Variants in ARV1 observed in about 807,000 individuals in gnomAD.
The protein encoded by ARV1 is ARV1 fatty acid homeostasis modulator.
ARV1 carries 26 observed loss-of-function variants against 31.1 expected under a neutral mutation model. That is an observed-to-expected ratio of 0.84 (90% confidence interval 0.61 to 1.16). The LOEUF (loss-of-function observed/expected upper bound fraction) is 1.16. Among genes scored for constraint, ARV1 ranks in the 50% most tolerant of loss-of-function variants. The pLI, the probability that ARV1 is intolerant of heterozygous loss-of-function variation, is 0.00. For missense variants in ARV1, 281 were observed against 324.9 expected (o/e 0.86, Z 1.04); for synonymous variants, 117 against 123.2 (o/e 0.95, Z 0.34).
At chr1:230,980,351 T>C (rs1463244618) in intron 1 of ARV1, among the ~76,000 whole-genome samples, 1 of 152,114 alleles carries the variant, frequency 6.6e-6, no homozygotes, top group Non-Finnish European at 1.5e-5. Context: ...CTTTCTTTCT[T>C]TTTGAGATAG....
At chr1:230,990,687 C>G in intron 3 of ARV1, 1 of 346,044 alleles carries the variant, frequency 2.9e-6, no homozygotes. Context: ...CCCCAGGTAG[C>G]TGGAACCACA....
chr1:230,991,955 C>T (rs1167643891), intron 3 of ARV1, among the ~76,000 whole-genome samples: 1 of 152,118 alleles, frequency 6.6e-6, no homozygotes, highest in South Asian at 2.1e-4. Flanking sequence ...CTACTGCTAC[C>T]CTCCATTCCC....
rs1457260435 is a variant in ARV1 at position 230,990,236 on chromosome 1, T to A, written c.421T>A (p.Tyr141Asn). 1 of 1,613,002 alleles carries A rather than the reference T, an allele frequency of 6.2e-7. No homozygotes were observed. Among genetic ancestry groups the A allele is most frequent in the African/African-American group, 1.3e-5 (1 of 75,000 alleles). Residue 141 changes from tyrosine to asparagine, a missense_variant, in exon 3 of 6, where the codon TAT becomes AAT. Coordinates refer to ENST00000310256, the MANE Select transcript of ARV1 (RefSeq NM_022786.3). ...LIRYAKEWDF[Y>N]RMFAIAALEQ... is the part of the protein sequence containing the mutation. ...CAGATATGCTAAGGAATGGGATTTC[T>A]ATAGAATGTTTGCGATTGCTGCTTT...
intron 4 of ARV1, among the ~76,000 whole-genome samples, chr1:230,996,826 GT>G (rs1679383355): frequency 6.6e-6 from 1 of 152,070 alleles, no homozygotes; most frequent in Non-Finnish European, 1.5e-5. Context: ...TCATTTTGTT[GT>G]TGTTGTCGTT....
At chr1:230,993,387 T>C (rs1445888532) in intron 3 of ARV1, among the ~76,000 whole-genome samples, 3 of 152,214 alleles carry the variant, frequency 2.0e-5, no homozygotes, top group Non-Finnish European at 4.4e-5. Flanking sequence ...TCAGCCACTG[T>C]TCCTGGCCCT....
chr1:230,979,183 C>G lies in ARV1; in HGVS notation c.78C>G (p.Ala26=). The change falls in exon 1 of 6, where the codon GCC becomes GCG. Residue 26 remains alanine, a synonymous_variant. Transcript: ENST00000310256. ...GGGTGGCAGCGACTCCTACTGCTGC[C>G]TCGGCCTCCTGCCAGTACAGGTGCA... is the stretch of plus-strand genomic sequence containing the variant. ...VDGVAATPTA[A]SASCQYRCIE... 8 of 1,613,308 alleles carry G rather than the reference C, an allele frequency of 5.0e-6. No homozygotes were observed. Among genetic ancestry groups the G allele is most frequent in the Non-Finnish European group, 6.8e-6 (8 of 1,179,648 alleles).
In ARV1 at chr1:230,981,176, A is replaced by G. The variant is rs180690503; in HGVS notation, c.174+1897A>G. Among the ~76,000 whole-genome samples, 242 of 152,260 alleles carry G rather than the reference A, an allele frequency of 1.6e-3. 1 individual carries two copies. The highest frequency in any genetic ancestry group is 5.4e-3 in the African/African-American group (224 of 41,544). On this transcript the variant is annotated intron_variant, in intron 1 of 5. Coordinates refer to ENST00000310256, the MANE Select transcript of ARV1 (RefSeq NM_022786.3). ...TACCTCTTAATCATGGTGTATTCCA[A>G]CGCATAGTCATCGTGCCTCTTTCTG...
At chr1:230,985,935 G>C (rs564567274) in intron 1 of ARV1, among the ~76,000 whole-genome samples, 58 of 110,494 alleles carry the variant, frequency 5.2e-4, no homozygotes, top group African/African-American at 1.8e-3. Flanking sequence ...TTTTTTTTTT[G>C]AGACGGAATC....
chr1:230,997,398 C>A, intron 5 of ARV1, 131 bp downstream of exon 5: 2 of 1,093,220 alleles, frequency 1.8e-6, no homozygotes, highest in Non-Finnish European at 2.6e-6. Context: ...AGGTCACCCT[C>A]ATCTTCCTCA....
Position 230,979,224 on chromosome 1 carries a change from AG to A in ARV1, c.121del (p.Ala41ProfsTer13). The A allele has an allele frequency of 6.2e-7, 1 of 1,613,642 alleles. No homozygotes were observed. The highest frequency in any genetic ancestry group is 8.5e-7 in the Non-Finnish European group (1 of 1,179,802). ...TACAGGTGCATCGAATGCAACCAGG[AG>A]GCCAAAGAGTTGTACCGAGACTATA... The part of the protein sequence containing the change: ...CQYRCIECNQ[E>X]AKELYRDYNH... On this transcript the variant is annotated frameshift_variant, in exon 1 of 6. Coordinates refer to ENST00000310256, the MANE Select transcript of ARV1 (RefSeq NM_022786.3). LOFTEE classifies it high-confidence loss of function.
At chr1:230,983,505 A>G (rs886935828) in intron 1 of ARV1, among the ~76,000 whole-genome samples, 2 of 152,164 alleles carry the variant, frequency 1.3e-5, no homozygotes, top group African/African-American at 4.8e-5. Flanking sequence ...TATGTTAACA[A>G]AACAAAACTC....
At chr1:230,980,889 C>G (rs1166054793) in intron 1 of ARV1, among the ~76,000 whole-genome samples, 1 of 152,050 alleles carries the variant, frequency 6.6e-6, no homozygotes, top group African/African-American at 2.4e-5. Flanking sequence ...CTGTCTATTT[C>G]CTTTCCTAGT....
rs1679349340 is a variant in ARV1, at chr1:230,995,882, C to T, written c.571C>T (p.Leu191Phe). The change falls in exon 4 of 6, where the codon CTC (leucine) becomes TTC (phenylalanine). Residue 191 changes from leucine to phenylalanine, a missense_variant. Coordinates refer to ENST00000310256, the MANE Select transcript of ARV1 (RefSeq NM_022786.3). ...KALLLSSYGKLLLIPAVIWEH... is the reference protein window; with the variant it reads ...KALLLSSYGKFLLIPAVIWEH... ...ATTATTATTATCTAGCTACGGAAAACTCTTGCTGATTCCAGCTGTCATTTG... is the reference window on the plus strand; with the variant it reads ...ATTATTATTATCTAGCTACGGAAAATTCTTGCTGATTCCAGCTGTCATTTG... 2 of 1,614,010 alleles carry T rather than the reference C, an allele frequency of 1.2e-6. No homozygotes were observed. Among genetic ancestry groups the T allele is most frequent in the East Asian group, 4.5e-5 (2 of 44,868 alleles).
chr1:230,997,777 A>G (rs1307435886), intron 5 of ARV1, among the ~76,000 whole-genome samples: 4 of 152,028 alleles, frequency 2.6e-5, no homozygotes, highest in African/African-American at 7.2e-5. Flanking sequence ...GCCTTCCATC[A>G]TACGTGCTTT....
At chr1:230,986,520 C>A (rs965999519) in intron 1 of ARV1, among the ~76,000 whole-genome samples, 27 of 152,212 alleles carry the variant, frequency 1.8e-4, no homozygotes, top group African/African-American at 5.8e-4. Context: ...TGAATTGTAG[C>A]CATTCCAGTA....
rs1488692043 is a variant in ARV1, at chr1:230,990,277, A to G, written c.448+14A>G. On this transcript the variant is annotated intron_variant, in intron 3 of 5. Coordinates refer to ENST00000310256, the MANE Select transcript of ARV1 (RefSeq NM_022786.3). ...TTGCTGCTTTAGGTAAGGAGATGCC[A>G]TGCTTTCCATTCTTAGTTAACTATT... is the stretch of plus-strand genomic sequence containing the variant. 1.2e-6 allele frequency: 2 copies of G among 1,612,298 alleles called. No homozygotes were observed. Among genetic ancestry groups the G allele is most frequent in the Non-Finnish European group, 1.7e-6 (2 of 1,179,568 alleles).
chr1:230,990,864 C>T (rs1434973591), intron 3 of ARV1, among the ~76,000 whole-genome samples: 1 of 152,144 alleles, frequency 6.6e-6, no homozygotes, highest in Middle Eastern at 3.2e-3. Context: ...AGCCACTGTG[C>T]CTGGCCAATA....
intron 4 of ARV1, 130 bp from the exon 5 acceptor site, chr1:230,996,991 C>A: frequency 3.6e-6 from 4 of 1,112,932 alleles, no homozygotes; most frequent in Non-Finnish European, 5.1e-6. Flanking sequence ...AAGGTAACAG[C>A]ATAGATTAAT....
chr1:230,979,237 G>A lies in ARV1; in HGVS notation c.132G>A (p.Leu44=), dbSNP rs1369507984. Reference sequence around the variant, plus strand: ...AATGCAACCAGGAGGCCAAAGAGTTGTACCGAGACTATAACCACGGTGTGC... The same window carrying A: ...AATGCAACCAGGAGGCCAAAGAGTTATACCGAGACTATAACCACGGTGTGC... ...CIECNQEAKE[L]YRDYNHGVLK... is the part of the protein sequence containing the mutation. Residue 44 remains leucine, a synonymous_variant, in exon 1 of 6, where the codon TTG becomes TTA. Transcript: ENST00000310256. The A allele has an allele frequency of 1.9e-6, 3 of 1,613,630 alleles. No homozygotes were observed. Among genetic ancestry groups the A allele is most frequent in the Non-Finnish European group, 2.5e-6 (3 of 1,179,806 alleles).
Sources: gnomAD v4.1 joint callset for allele counts (sites outside exome capture counted in the v4.1 genomes callset) on GRCh38, gnomAD v4.1.1 for gene constraint, MANE v1.5 for transcripts, NCBI Gene and HGNC (gene_info 2026-07-23, HGNC 2026-07-21) for gene names.